The following SESN3 variants were observed in gnomAD, a reference collection of about 807,000 sequenced individuals.
The protein encoded by SESN3 is sestrin-3.
A neutral mutation model predicts 55.3 loss-of-function variants in SESN3; 21 were observed. The observed-to-expected ratio is 0.38, with a 90% CI of 0.27 to 0.55. The LOEUF is 0.55. SESN3 is among the 20% of genes least tolerant of loss of function. The pLI is 0.76. For synonymous variants in SESN3, 181 were observed against 203.1 expected (o/e 0.89, Z 0.93); for missense variants, 408 against 604.3 (o/e 0.68, Z 3.41).
intron 1 of SESN3, among the ~76,000 whole-genome samples, chr11:95,196,523 C>G (rs907036021): frequency 3.3e-5 from 5 of 152,046 alleles, no homozygotes; most frequent in Non-Finnish European, 5.9e-5. Context: ...CTTTCCTCCG[C>G]CTTTCTTTCA....
intron 1 of SESN3, among the ~76,000 whole-genome samples, chr11:95,209,265 C>A (rs1860605586): frequency 6.6e-6 from 1 of 151,448 alleles, no homozygotes; most frequent in South Asian, 2.1e-4. Context: ...AGGATATGAA[C>A]AGACACTTCT....
In SESN3 at chr11:95,170,703, T is replaced by C. The variant is rs1859833171; in HGVS notation, c.*2552A>G. 6.6e-6 allele frequency: 1 copy of C among 152,204 alleles called. No homozygotes were observed. Among genetic ancestry groups the C allele is most frequent in the Non-Finnish European group, 1.5e-5 (1 of 68,038 alleles). The allele number at this position is 152,204 out of a possible 1,614,324, so 9.4% of individuals were successfully genotyped here. A position where few individuals can be genotyped will look rare whatever the true frequency, so the allele number is the denominator to read the frequency against. On this transcript the variant is annotated 3_prime_UTR_variant, in exon 10 of 10. Coordinates refer to ENST00000536441, the MANE Select transcript of SESN3 (RefSeq NM_144665.4). ...GTAAAATGGTATTCACAACCTGAAA[T>C]GCTGTGCATGCTGCGTATTAGTAGG...
intron 4 of SESN3, among the ~76,000 whole-genome samples, chr11:95,187,991 T>C (rs1487892417): frequency 6.7e-6 from 1 of 149,456 alleles, no homozygotes. Flanking sequence ...TAGAATCTTA[T>C]CCTTCCTATG....
chr11:95,192,970 T>C (rs905302441), intron 2 of SESN3, among the ~76,000 whole-genome samples: 1 of 152,108 alleles, frequency 6.6e-6, no homozygotes, highest in Non-Finnish European at 1.5e-5. Context: ...AACCAGATTA[T>C]CCTCAAATAT....
chr11:95,174,717 C>G (rs768680545), intron 9 of SESN3, among the ~76,000 whole-genome samples: 1 of 152,108 alleles, frequency 6.6e-6, no homozygotes, highest in Non-Finnish European at 1.5e-5. Flanking sequence ...GAACTCCTGA[C>G]CTCAGGTGAT....
At position 95,171,134 on chromosome 11, in the gene SESN3, A is replaced by C. The variant is rs1859842210; in HGVS notation, c.*2121T>G. On this transcript the variant is annotated 3_prime_UTR_variant, in exon 10 of 10. Coordinates refer to ENST00000536441, the MANE Select transcript of SESN3 (RefSeq NM_144665.4). ...TTAATTGAAAGCATCTAGTAAAAAA[A>C]CAAATTCAAGAATAAATGACATCCT... 6.6e-6 allele frequency: 1 copy of C among 152,196 alleles called. No individual in the cohort carries two copies. The highest frequency in any genetic ancestry group is 2.1e-4 in the South Asian group (1 of 4,838). 9.4% of individuals were successfully genotyped at this position (152,196 alleles called of 1,614,324 possible).
At chr11:95,191,275 G>A (rs1346449248) in intron 3 of SESN3, 129 bp downstream of exon 3, 2 of 731,434 alleles carry the variant, frequency 2.7e-6, no homozygotes, top group East Asian at 2.5e-5. Context: ...AAGGCCATAG[G>A]CTTCTTCAGT....
chr11:95,227,962 T>C (rs1272907709), intron 1 of SESN3, among the ~76,000 whole-genome samples: 1 of 152,228 alleles, frequency 6.6e-6, no homozygotes, highest in African/African-American at 2.4e-5. Flanking sequence ...TAGAGCAAGT[T>C]AGACTTAAGA....
At chr11:95,212,235 C>T (rs973367521) in intron 1 of SESN3, among the ~76,000 whole-genome samples, 5 of 152,090 alleles carry the variant, frequency 3.3e-5, no homozygotes, top group African/African-American at 7.2e-5. Context: ...TCCATGCTTT[C>T]ACAAGTGAAG....
intron 1 of SESN3, among the ~76,000 whole-genome samples, chr11:95,217,021 G>A (rs1466585764): frequency 1.3e-5 from 2 of 151,486 alleles, no homozygotes; most frequent in South Asian, 2.1e-4. Flanking sequence ...CAGGAGAATC[G>A]CTTGAACCCT....
At chr11:95,216,760 A>T (rs933977498) in intron 1 of SESN3, among the ~76,000 whole-genome samples, 3 of 142,628 alleles carry the variant, frequency 2.1e-5, no homozygotes, top group Admixed American at 7.1e-5. Flanking sequence ...GAGGCAAGAT[A>T]AAAAAAAAAA....
chr11:95,204,187 T>A (rs1051837526), intron 1 of SESN3, among the ~76,000 whole-genome samples: 1 of 152,142 alleles, frequency 6.6e-6, no homozygotes, highest in Non-Finnish European at 1.5e-5. Context: ...ACCTTCCCAA[T>A]ATTAAATTTG....
chr11:95,208,941 A>G (rs531237626), intron 1 of SESN3, among the ~76,000 whole-genome samples: 1 of 151,738 alleles, frequency 6.6e-6, no homozygotes, highest in East Asian at 1.9e-4. Flanking sequence ...AAGGACTTAA[A>G]CATAAGACCT....
intron 1 of SESN3, chr11:95,204,149 C>A (rs1047780624): frequency 6.6e-6 from 1 of 152,124 alleles, no homozygotes; most frequent in Non-Finnish European, 1.5e-5. Flanking sequence ...AATAGCAACA[C>A]AGGATTGATG....
chr11:95,180,733 T>C (rs1171747329), intron 6 of SESN3, among the ~76,000 whole-genome samples: 2 of 152,174 alleles, frequency 1.3e-5, no homozygotes, highest in African/African-American at 2.4e-5. Context: ...CATTAAATGC[T>C]TAAATTGATC....
At chr11:95,185,579 AT>A in intron 4 of SESN3, 87 bp from the exon 5 acceptor site, 1 of 834,896 alleles carries the variant, frequency 1.2e-6, no homozygotes, top group East Asian at 2.4e-5. Flanking sequence ...ATTTTCATAT[AT>A]CCACTTAGAG....
At chr11:95,202,216 C>T (rs1860472659) in intron 1 of SESN3, among the ~76,000 whole-genome samples, 1 of 152,016 alleles carries the variant, frequency 6.6e-6, no homozygotes, top group African/African-American at 2.4e-5. Context: ...TGTAGCATTA[C>T]AGCTCAGCAA....
rs1330902026 is a variant in SESN3, at chr11:95,179,172, T to G, written c.938-344A>C. On this transcript the variant is annotated intron_variant, in intron 6 of 9. Transcript: ENST00000536441. ...AAAGCTTAACCAGTTTTTTTTTTTT[T>G]GAGACAGAGTCTTGCTCTGTCGCCC... Among the ~76,000 whole-genome samples, 3 of 152,036 alleles carry G rather than the reference T, an allele frequency of 2.0e-5. No homozygotes were observed. The East Asian group carries it at 5.8e-4, about 29-fold the overall frequency.
At chr11:95,224,854 G>A (rs1860920643) in intron 1 of SESN3, among the ~76,000 whole-genome samples, 1 of 152,142 alleles carries the variant, frequency 6.6e-6, no homozygotes, top group Non-Finnish European at 1.5e-5. Flanking sequence ...TCTGACAGGT[G>A]TTATTTCAAG....
Sources: allele counts gnomAD v4.1 joint callset (sites outside exome capture counted in the v4.1 genomes callset), GRCh38; gene constraint gnomAD v4.1.1; transcripts MANE v1.5; gene names NCBI Gene and HGNC (gene_info 2026-07-23, HGNC 2026-07-21).